Variants in SLCO1A2 observed in about 807,000 individuals in gnomAD.
SLCO1A2 encodes OATP-1.
A neutral mutation model predicts 69.0 loss-of-function variants in SLCO1A2; 67 were observed. The observed-to-expected ratio is 0.97, with a 90% CI of 0.80 to 1.19. The LOEUF (loss-of-function observed/expected upper bound fraction) is 1.19, where lower values mean the gene tolerates loss of function less well. SLCO1A2 is among the 50% of genes most tolerant of loss of function. SLCO1A2 has a pLI of 0.00. For synonymous variants in SLCO1A2, 260 were observed against 265.9 expected (o/e 0.98, Z 0.22); for missense variants, 787 against 793.7 (o/e 0.99, Z 0.10).
At chr12:21,366,114 G>A (rs1011361657) in intron 2 of SLCO1A2, among the ~76,000 whole-genome samples, 2 of 152,166 alleles carry the variant, frequency 1.3e-5, no homozygotes, top group Non-Finnish European at 2.9e-5. Context: ...GTTTATTGCA[G>A]CACTATTCAC....
At chr12:21,341,735 G>A (rs1953076343) in intron 2 of SLCO1A2, among the ~76,000 whole-genome samples, 1 of 152,020 alleles carries the variant, frequency 6.6e-6, no homozygotes, top group African/African-American at 2.4e-5. Flanking sequence ...TTCAAGGTCA[G>A]GATAGTATCC....
At chr12:21,343,768 G>A (rs1953155190) in intron 2 of SLCO1A2, among the ~76,000 whole-genome samples, 1 of 152,138 alleles carries the variant, frequency 6.6e-6, no homozygotes, top group East Asian at 1.9e-4. Context: ...CACAGGAGAA[G>A]ACTCTCCCCT....
At chr12:21,325,226 A>G (rs2136899680) in intron 2 of SLCO1A2, among the ~76,000 whole-genome samples, 1 of 152,302 alleles carries the variant, frequency 6.6e-6, no homozygotes, top group African/African-American at 2.4e-5. Flanking sequence ...CTCAAAGGGC[A>G]CATTTACATG....
rs537466319 is a variant in SLCO1A2 at position 21,363,151 on chromosome 12, C to G, written c.-63+11248G>C. ...ATGGACCACATAGTTGGAAGTAAAG[C>G]ACTCCTCAGCAAATGTAAAAGAACA... On this transcript the variant is annotated intron_variant, in intron 2 of 15. Transcript: ENST00000307378. 1.9e-4 allele frequency among the ~76,000 whole-genome samples: 29 copies of G among 152,276 alleles called. No homozygotes were observed. The East Asian group carries it at 5.2e-3, about 27-fold the overall frequency.
intron 12 of SLCO1A2, among the ~76,000 whole-genome samples, chr12:21,291,427 G>T (rs1234695467): frequency 6.6e-6 from 1 of 152,152 alleles, no homozygotes; most frequent in Admixed American, 6.6e-5. Context: ...AGTAAAATAA[G>T]AGAGAATCCT....
chr12:21,269,741 G>A lies in SLCO1A2; in HGVS notation c.1820C>T (p.Ala607Val). The A allele has an allele frequency of 6.2e-7, 1 of 1,611,220 alleles. No individual in the cohort carries two copies. The highest frequency in any genetic ancestry group is 8.5e-7 in the Non-Finnish European group (1 of 1,178,288). The change falls in exon 15 of 15, where the codon GCA becomes GTA. Residue 607 changes from alanine to valine, a missense_variant. By Grantham distance (64) the Ala-to-Val change is moderately conservative. Transcript: ENST00000683939. Reference protein sequence around the residue: ...FRYIYLGLPAALRGSSFVPAL... With the variant: ...FRYIYLGLPAVLRGSSFVPAL... ...TGGAACAAAGCTTGATCCTCTTAGT[G>A]CTGCCGGCAATCCGAGGTAGATGTA...
chr12:21,325,735 T>C (rs997196398), intron 2 of SLCO1A2, among the ~76,000 whole-genome samples: 2 of 152,216 alleles, frequency 1.3e-5, no homozygotes, highest in African/African-American at 4.8e-5. Flanking sequence ...ATTTTATTTA[T>C]TTCATTTCTT....
chr12:21,265,911 T>TA lies in SLCO1A2; in HGVS notation c.*3636_*3637insT, dbSNP rs1189634251. 1.3e-5 allele frequency: 2 copies of TA among 152,138 alleles called. No homozygotes were observed. Among genetic ancestry groups the TA allele is most frequent in the African/African-American group, 2.4e-5 (1 of 41,440 alleles). 9.4% of individuals were successfully genotyped at this position (152,138 alleles called of 1,614,324 possible). On this transcript the variant is annotated 3_prime_UTR_variant, in exon 15 of 15. Coordinates refer to ENST00000683939, the MANE Select transcript of SLCO1A2 (RefSeq NM_001386879.1). ...TTTCTTATATAGAAATCATACTCTTTTAACATCTACAACCTCTTCTACCAG... is the reference window on the plus strand; with the variant it reads ...TTTCTTATATAGAAATCATACTCTTTATAACATCTACAACCTCTTCTACCAG...
At chr12:21,354,102 A>G (rs1247868463) in intron 2 of SLCO1A2, among the ~76,000 whole-genome samples, 2 of 152,200 alleles carry the variant, frequency 1.3e-5, no homozygotes, top group Non-Finnish European at 2.9e-5. Flanking sequence ...TTCTAACACA[A>G]TTCATGACAT....
chr12:21,271,540 T>G (rs1565459188), intron 14 of SLCO1A2, among the ~76,000 whole-genome samples: 2 of 151,046 alleles, frequency 1.3e-5, no homozygotes, highest in African/African-American at 4.8e-5. Context: ...TCATTGTTCT[T>G]TTTCTAAATT....
In SLCO1A2 at chr12:21,301,249, T is replaced by C; in HGVS notation, c.610A>G (p.Ile204Val). ...LYIGLVETGA[I>V]IGPLIGLLLA... is the part of the protein sequence containing the mutation. ...AAAAGTCCAATCAAAGGACCAATAA[T>C]AGCTCCTGTTTCTACAAGCCCTAAA... Residue 204 changes from isoleucine (I) to valine (V), a missense_variant, in exon 7 of 15, where the codon ATT (isoleucine) becomes GTT (valine). Physicochemically the swap from Ile to Val is conservative, Grantham distance 29. Transcript: ENST00000683939. 6.2e-7 allele frequency: 1 copy of C among 1,611,560 alleles called. No homozygotes were observed. Among genetic ancestry groups the C allele is most frequent in the Non-Finnish European group, 8.5e-7 (1 of 1,178,750 alleles).
chr12:21,414,430 T>A (rs2137210123), intron 1 of SLCO1A2, among the ~76,000 whole-genome samples: 1 of 152,248 alleles, frequency 6.6e-6, no homozygotes, highest in African/African-American at 2.4e-5. Context: ...CTGTGAGTTA[T>A]TTACTAATTT....
intron 2 of SLCO1A2, among the ~76,000 whole-genome samples, chr12:21,328,651 C>T (rs1338352179): frequency 6.6e-6 from 1 of 152,164 alleles, no homozygotes; most frequent in Non-Finnish European, 1.5e-5. Flanking sequence ...CTCTTTCTGA[C>T]TTGGAGGCCT....
chr12:21,315,275 C>T (rs1477802060), intron 3 of SLCO1A2, among the ~76,000 whole-genome samples: 1 of 152,144 alleles, frequency 6.6e-6, no homozygotes, highest in Non-Finnish European at 1.5e-5. Context: ...CCCACTTCTA[C>T]TCAGTCTTCA....
At chr12:21,274,360 C>T (rs894852504) in intron 14 of SLCO1A2, 109 bp downstream of exon 14, 3 of 642,192 alleles carry the variant, frequency 4.7e-6, no homozygotes. Flanking sequence ...CTGGAAATAA[C>T]CACAAAAGTA....
At chr12:21,304,018 G>A (rs967546424) in intron 6 of SLCO1A2, among the ~76,000 whole-genome samples, 2 of 152,096 alleles carry the variant, frequency 1.3e-5, no homozygotes, top group African/African-American at 4.8e-5. Flanking sequence ...AAATTCTGAA[G>A]AGAAAATAAT....
Position 21,356,935 on chromosome 12 carries a change from ATAC to A in SLCO1A2, c.-63+17461_-63+17463del, listed in dbSNP as rs1473800127. Among the ~76,000 whole-genome samples, 14 of 152,302 alleles carry A rather than the reference ATAC, an allele frequency of 9.2e-5. No individual in the cohort carries two copies. In the East Asian group the frequency reaches 2.7e-3, roughly 29 times the overall value. On this transcript the variant is annotated intron_variant, in intron 2 of 15. Coordinates refer to the SLCO1A2 transcript ENST00000307378. ...TGGAAACTTTACTGAAATAGATTAT[ATAC>A]TAGATTACAAATATAAATATAATAA...
At chr12:21,373,156 A>G (rs1235195089) in intron 2 of SLCO1A2, among the ~76,000 whole-genome samples, 1 of 152,204 alleles carries the variant, frequency 6.6e-6, no homozygotes, top group Non-Finnish European at 1.5e-5. Flanking sequence ...TTGGGAAAGT[A>G]AAAATCTCGA....
rs79415050 is a variant in SLCO1A2 at position 21,279,275 on chromosome 12, A to G, written c.1611-3851T>C. Among the ~76,000 whole-genome samples the G allele has an allele frequency of 1.3e-3, 199 of 152,294 alleles. 1 individual carries two copies. Among genetic ancestry groups the G allele is most frequent in the African/African-American group, 4.5e-3 (188 of 41,574 alleles). ...CCTTAAAGAAAAGGTAGAGAAAGAG[A>G]TAAGAGTAGAAAGATTATTCAAAGG... On this transcript the variant is annotated intron_variant, in intron 12 of 14. Transcript: ENST00000683939.
Sources: gnomAD v4.1 joint callset for allele counts (sites outside exome capture counted in the v4.1 genomes callset) on GRCh38, gnomAD v4.1.1 for gene constraint, MANE v1.5 for transcripts, NCBI Gene and HGNC (gene_info 2026-07-23, HGNC 2026-07-21) for gene names.